The following IGF2BP2 variants were observed in gnomAD, a reference collection of about 807,000 sequenced individuals.
IGF2BP2 encodes insulin like growth factor 2 mRNA binding protein 2.
In IGF2BP2, 17 loss-of-function variants were observed where a neutral mutation model predicts 75.8. That is an observed-to-expected ratio of 0.22 (90% CI 0.15 to 0.34). The LOEUF is 0.34. IGF2BP2 is among the 10% of genes least tolerant of loss of function. IGF2BP2 has a pLI of 1.00. For missense variants in IGF2BP2, 516 were observed against 772.4 expected (o/e 0.67, Z 3.93); for synonymous variants, 288 against 295.6 (o/e 0.97, Z 0.26).
chr3:185,769,630 G>A (rs1303875248), intron 2 of IGF2BP2, among the ~76,000 whole-genome samples: 2 of 151,774 alleles, frequency 1.3e-5, no homozygotes, highest in Non-Finnish European at 2.9e-5. Flanking sequence ...TTGAGCCCAG[G>A]AGTTCAAGAC....
chr3:185,658,831 A>T (rs373172179), intron 10 of IGF2BP2, among the ~76,000 whole-genome samples: 6 of 152,142 alleles, frequency 3.9e-5, no homozygotes, highest in African/African-American at 7.2e-5. Context: ...AAAAGAACAG[A>T]GTGTGCTGGA....
At chr3:185,805,296 T>C (rs796274282) in intron 2 of IGF2BP2, among the ~76,000 whole-genome samples, 11 of 152,256 alleles carry the variant, frequency 7.2e-5, no homozygotes, top group African/African-American at 2.6e-4. Flanking sequence ...TAACTTGAGC[T>C]GTGGAAAGAC....
intron 2 of IGF2BP2, among the ~76,000 whole-genome samples, chr3:185,753,024 C>T (rs1731159739): frequency 6.6e-6 from 1 of 152,134 alleles, no homozygotes; most frequent in African/African-American, 2.4e-5. Flanking sequence ...CAAATCTAAG[C>T]CTTACAAGAT....
intron 1 of IGF2BP2, among the ~76,000 whole-genome samples, chr3:185,824,338 G>C (rs1336587564): frequency 6.6e-6 from 1 of 151,442 alleles, no homozygotes; most frequent in Non-Finnish European, 1.5e-5. Context: ...GAAGAGAGAA[G>C]GTCCGGCCGG....
At position 185,763,335 on chromosome 3, in the gene IGF2BP2, C is replaced by T. The variant is rs117789351; in HGVS notation, c.239+59818G>A. Among the ~76,000 whole-genome samples the T allele has an allele frequency of 3.3e-5, 5 of 152,246 alleles. No homozygotes were observed. In the East Asian group the frequency reaches 9.6e-4, roughly 29 times the overall value. ...CCTCCATGTACTGTACCAAAATTAC[C>T]CTACCTTAGTAGGTCCCTGGTCATG... On this transcript the variant is annotated intron_variant, in intron 2 of 15. Coordinates refer to ENST00000382199, the MANE Select transcript of IGF2BP2 (RefSeq NM_006548.6).
chr3:185,707,395 G>A (rs950112541), intron 2 of IGF2BP2, among the ~76,000 whole-genome samples: 4 of 118,868 alleles, frequency 3.4e-5, no homozygotes, highest in East Asian at 3.0e-4. Context: ...ACAACTTCCC[G>A]CCTCCCAGGT....
chr3:185,665,130 A>G (rs1267432080), intron 10 of IGF2BP2, among the ~76,000 whole-genome samples: 1 of 146,664 alleles, frequency 6.8e-6, no homozygotes, highest in Non-Finnish European at 1.5e-5. Context: ...ACACCACTGC[A>G]CTCCAGCCTA....
At chr3:185,676,703 A>T (rs191303312) in intron 7 of IGF2BP2, among the ~76,000 whole-genome samples, 1 of 147,224 alleles carries the variant, frequency 6.8e-6, no homozygotes, top group South Asian at 2.1e-4. Context: ...ATATATATAT[A>T]TTTACTGGAG....
At chr3:185,689,300 C>G in intron 6 of IGF2BP2, 55 bp downstream of exon 6, 1 of 1,575,430 alleles carries the variant, frequency 6.3e-7, no homozygotes. Flanking sequence ...CTGAGACCCA[C>G]CAGCACGCAG....
At chr3:185,666,765 G>T (rs1348056634) in intron 10 of IGF2BP2, among the ~76,000 whole-genome samples, 4 of 151,822 alleles carry the variant, frequency 2.6e-5, no homozygotes, top group Non-Finnish European at 4.4e-5. Flanking sequence ...AAATTAAGTG[G>T]AAAAAAATGT....
intron 2 of IGF2BP2, among the ~76,000 whole-genome samples, chr3:185,761,250 C>T (rs1448654441): frequency 6.6e-6 from 1 of 151,704 alleles, no homozygotes; most frequent in East Asian, 1.9e-4. Flanking sequence ...CCTGTACACA[C>T]AAAAAAAGAG....
At chr3:185,701,377 AAAAAAAG>A (rs1316966720) in intron 2 of IGF2BP2, among the ~76,000 whole-genome samples, 1 of 150,864 alleles carries the variant, frequency 6.6e-6, no homozygotes, top group Non-Finnish European at 1.5e-5. Flanking sequence ...TAAAAAAAAA[AAAAAAAG>A]AAAGAAAGAA....
chr3:185,703,626 C>G (rs181017649), intron 2 of IGF2BP2, among the ~76,000 whole-genome samples: 1 of 152,066 alleles, frequency 6.6e-6, no homozygotes, highest in Admixed American at 6.6e-5. Flanking sequence ...AAAAATTAGC[C>G]GGGCATGGTG....
At chr3:185,646,805 C>T (rs1417493114) in intron 15 of IGF2BP2, 13 of 572,396 alleles carry the variant, frequency 2.3e-5, no homozygotes, top group Non-Finnish European at 4.1e-5. Context: ...CTTCCCCAAG[C>T]TCCTAGCATA....
intron 12 of IGF2BP2, among the ~76,000 whole-genome samples, chr3:185,656,558 G>A (rs546563121): frequency 4.6e-5 from 7 of 152,314 alleles, no homozygotes; most frequent in Non-Finnish European, 1.0e-4. Context: ...ATTATTTTGC[G>A]TAACAACAAA....
chr3:185,682,624 G>A (rs753710434), intron 7 of IGF2BP2, among the ~76,000 whole-genome samples: 3 of 152,058 alleles, frequency 2.0e-5, no homozygotes, highest in Non-Finnish European at 4.4e-5. Context: ...ATGAACAAAG[G>A]ATTTGAATAG....
intron 2 of IGF2BP2, among the ~76,000 whole-genome samples, chr3:185,775,137 T>C (rs1560451082): frequency 6.6e-6 from 1 of 152,202 alleles, no homozygotes; most frequent in Non-Finnish European, 1.5e-5. Flanking sequence ...TGTAAAAGAA[T>C]AATAACAGCA....
chr3:185,774,592 C>G (rs1366630846), intron 2 of IGF2BP2, among the ~76,000 whole-genome samples: 1 of 108,034 alleles, frequency 9.3e-6, no homozygotes, highest in African/African-American at 5.9e-5. Context: ...GAGACTCTGT[C>G]TCAAAAAAAA....
chr3:185,723,183 G>A (rs540773081), intron 2 of IGF2BP2, among the ~76,000 whole-genome samples: 3 of 152,186 alleles, frequency 2.0e-5, no homozygotes, highest in East Asian at 1.9e-4. Flanking sequence ...AAATCCAGTC[G>A]GCCACAGCTC....
Sources: allele counts gnomAD v4.1 joint callset (sites outside exome capture counted in the v4.1 genomes callset), GRCh38; gene constraint gnomAD v4.1.1; transcripts MANE v1.5; gene names NCBI Gene and HGNC (gene_info 2026-07-23, HGNC 2026-07-21).